ARHGAP20: variants seen among roughly 807,000 people sequenced by gnomAD.
The protein encoded by ARHGAP20 is rho GTPase-activating protein 20.
Under a neutral mutation model 73.7 loss-of-function variants are expected in ARHGAP20, and 34 were observed. That is an observed-to-expected ratio of 0.46 (90% confidence interval 0.35 to 0.61). ARHGAP20 has a LOEUF of 0.61. Ranked by LOEUF, ARHGAP20 falls within the 20% of genes least tolerant of loss-of-function variation. The probability of loss-of-function intolerance (pLI) is 0.00; values close to 1 mark genes in which losing one functional copy is unlikely to be tolerated. For synonymous variants in ARHGAP20, 523 were observed against 518.2 expected (o/e 1.01, Z -0.13); for missense variants, 1,314 against 1,420.9 (o/e 0.92, Z 1.21).
intron 3 of ARHGAP20, among the ~76,000 whole-genome samples, chr11:110,629,023 C>G (rs368626362): frequency 6.6e-6 from 1 of 152,088 alleles, no homozygotes; most frequent in African/African-American, 2.4e-5. Flanking sequence ...ATCATTGTAA[C>G]TGCTAAGGGG....
At chr11:110,645,380 T>C (rs1949168831) in intron 2 of ARHGAP20, among the ~76,000 whole-genome samples, 1 of 152,108 alleles carries the variant, frequency 6.6e-6, no homozygotes, top group African/African-American at 2.4e-5. Context: ...TCATCATCAC[T>C]ACTTGTCAGA....
chr11:110,599,073 A>G (rs1948046075), intron 9 of ARHGAP20, among the ~76,000 whole-genome samples: 1 of 152,142 alleles, frequency 6.6e-6, no homozygotes, highest in Non-Finnish European at 1.5e-5. Context: ...TCCCAGGTGT[A>G]GCTCCAGTCA....
intron 4 of ARHGAP20, among the ~76,000 whole-genome samples, chr11:110,622,848 G>A (rs1351911467): frequency 6.6e-6 from 1 of 152,034 alleles, no homozygotes; most frequent in East Asian, 1.9e-4. Context: ...TGACATCACT[G>A]GTGATATTAA....
chr11:110,649,201 CTTTTTTTTTTT>C (rs869156175), intron 2 of ARHGAP20, among the ~76,000 whole-genome samples: 13 of 87,124 alleles, frequency 1.5e-4, no homozygotes, highest in Admixed American at 6.5e-4. Context: ...ATTATTAAAC[CTTTTTTTTTTT>C]TTTTTTTTTT....
At chr11:110,603,283 C>T (rs989648012) in intron 9 of ARHGAP20, among the ~76,000 whole-genome samples, 15 of 152,082 alleles carry the variant, frequency 9.9e-5, no homozygotes, top group African/African-American at 3.1e-4. Context: ...GAACTCAGGG[C>T]CCAGATTGAA....
At chr11:110,591,767 T>C (rs1947834231) in intron 10 of ARHGAP20, among the ~76,000 whole-genome samples, 1 of 152,236 alleles carries the variant, frequency 6.6e-6, no homozygotes, top group South Asian at 2.1e-4. Flanking sequence ...CTTACGTGGC[T>C]CTTTCCTAGG....
At position 110,590,826 on chromosome 11, in the gene ARHGAP20, G is replaced by A. The variant is rs1306573074; in HGVS notation, c.1144-17C>T. ...AAGCATATCCTATGGGGAAGCAAAGGAAAATAAACAAAATGACACTTCCAC... is the reference window on the plus strand; with the variant it reads ...AAGCATATCCTATGGGGAAGCAAAGAAAAATAAACAAAATGACACTTCCAC... On this transcript the variant is annotated splice_polypyrimidine_tract_variant and intron_variant, in intron 10 of 14. Coordinates refer to ENST00000683387, the MANE Select transcript of ARHGAP20 (RefSeq NM_001384657.1). 1.9e-6 allele frequency: 3 copies of A among 1,606,634 alleles called. No homozygotes were observed. The African/African-American group carries it at 4.0e-5, about 22-fold the overall frequency.
intron 9 of ARHGAP20, among the ~76,000 whole-genome samples, chr11:110,600,138 T>G (rs1381799974): frequency 1.3e-5 from 2 of 152,216 alleles, no homozygotes; most frequent in Non-Finnish European, 2.9e-5. Context: ...GAACTTCAGA[T>G]CCGCTGAATG....
Position 110,590,688 on chromosome 11 carries a change from A to T in ARHGAP20, c.1265T>A (p.Leu422Gln). The T allele has an allele frequency of 2.5e-6, 4 of 1,614,160 alleles. No homozygotes were observed. The South Asian group carries it at 4.4e-5, about 18-fold the overall frequency. The change falls in exon 11 of 15, where the codon CTA becomes CAA. Residue 422 changes from leucine to glutamine, a missense_variant. Leu to Gln is a moderately radical substitution (Grantham distance 113). This residue lies in a region of ARHGAP20 where 230 missense variants were observed against 317.6 expected (regional missense o/e 0.72). Transcript: ENST00000683387. ...EKLNSGVEVH[L>Q]DCESIFVIAS... is the part of the protein sequence containing the mutation. ...TATCACAAAAATAGATTCACAGTCT[A>T]GGTGTACTTCGACTCCAGAATTCAA... is the stretch of plus-strand genomic sequence containing the variant.
At position 110,624,302 on chromosome 11, in the gene ARHGAP20, A is replaced by G. The variant is rs1185831255; in HGVS notation, c.363T>C (p.Asn121=). Residue 121 remains asparagine (N), a synonymous_variant, in exon 4 of 15, where the codon AAT becomes AAC. Coordinates refer to ENST00000683387, the MANE Select transcript of ARHGAP20 (RefSeq NM_001384657.1). ...TAATTTTATTTTTTATCTTAAAGTT[A>G]TTGTTATATCTAGAAAGATAAAAAC... ...LFVVAKIKYN[N]NFKIKNKIKL... The G allele has an allele frequency of 1.3e-6, 2 of 1,563,438 alleles. No homozygotes were observed. The highest frequency in any genetic ancestry group is 1.2e-5 in the South Asian group (1 of 83,082).
chr11:110,712,444 G>T (rs7480825), upstream of ARHGAP20: 2 of 220,510 alleles, frequency 9.1e-6, no homozygotes, highest in Non-Finnish European at 1.7e-5. Flanking sequence ...GTGCAGCGGC[G>T]ACAGCCCGTC....
intron 9 of ARHGAP20, among the ~76,000 whole-genome samples, chr11:110,605,709 A>T (rs1368121751): frequency 1.3e-5 from 2 of 152,246 alleles, no homozygotes; most frequent in Non-Finnish European, 2.9e-5. Flanking sequence ...TGGCACTCAG[A>T]TGATGCCAAT....
intron 8 of ARHGAP20, 82 bp downstream of exon 8, chr11:110,608,902 A>G: frequency 8.6e-7 from 1 of 1,156,936 alleles, no homozygotes; most frequent in Non-Finnish European, 1.3e-6. Flanking sequence ...TAAGCTTAGG[A>G]CCATATGACC....
chr11:110,586,445 C>T (rs558470617), intron 11 of ARHGAP20, 120 bp from the exon 12 acceptor site: 1 of 471,060 alleles, frequency 2.1e-6, no homozygotes, highest in South Asian at 5.7e-5. Flanking sequence ...GTGAACTACA[C>T]AGAGCTCTGC....
intron 2 of ARHGAP20, among the ~76,000 whole-genome samples, chr11:110,671,186 T>TA (rs754832252): frequency 1.4e-4 from 21 of 151,172 alleles, no homozygotes; most frequent in South Asian, 4.2e-4. Flanking sequence ...AGAAATTTAT[T>TA]AAAAAAAATC....
intron 2 of ARHGAP20, among the ~76,000 whole-genome samples, chr11:110,646,254 C>A (rs1949191927): frequency 6.6e-6 from 1 of 152,098 alleles, no homozygotes; most frequent in Non-Finnish European, 1.5e-5. Flanking sequence ...CTCACTTATG[C>A]CAAAATGTCA....
chr11:110,648,473 C>T (rs1258083443), intron 2 of ARHGAP20, among the ~76,000 whole-genome samples: 1 of 144,698 alleles, frequency 6.9e-6, no homozygotes, highest in African/African-American at 2.6e-5. Flanking sequence ...AAGTTCCACA[C>T]CATAACATGA....
At chr11:110,682,327 G>T (rs2135096453) in intron 2 of ARHGAP20, among the ~76,000 whole-genome samples, 1 of 152,238 alleles carries the variant, frequency 6.6e-6, no homozygotes. Context: ...AAGAACTTTA[G>T]ATATATAAGA....
At chr11:110,668,769 C>G (rs779167560) in intron 2 of ARHGAP20, among the ~76,000 whole-genome samples, 9 of 152,334 alleles carry the variant, frequency 5.9e-5, no homozygotes, top group Middle Eastern at 3.4e-3. Flanking sequence ...CAAATTCATG[C>G]AACTCACTTT....
Sources: gnomAD v4.1 joint callset for allele counts (sites outside exome capture counted in the v4.1 genomes callset) on GRCh38, gnomAD v4.1.1 for gene constraint, gnomAD v4.1.1 regional missense constraint, MANE v1.5 for transcripts, NCBI Gene and HGNC (gene_info 2026-07-23, HGNC 2026-07-21) for gene names.